FDXACB1: variants seen among roughly 807,000 people sequenced by gnomAD.
FDXACB1 encodes ferredoxin-fold anticodon binding domain containing 1.
In FDXACB1, 41 loss-of-function variants were observed where a neutral mutation model predicts 51.7. The ratio of observed to expected loss-of-function variants is 0.79; its 90% CI spans 0.62 to 1.03. The LOEUF is 1.03. Ranked by LOEUF, FDXACB1 falls within the 50% of genes least tolerant of loss-of-function variation. The pLI is 0.00. For synonymous variants in FDXACB1, 273 were observed against 278.6 expected, an observed-to-expected ratio of 0.98 and a Z score of 0.20; for missense variants, 697 against 746.4, an observed-to-expected ratio of 0.93 and a Z score of 0.77.
At chr11:111,878,761 A>C in intron 1 of FDXACB1, 49 bp from the exon 2 acceptor site, 1 of 1,575,082 alleles carries the variant, frequency 6.3e-7, no homozygotes, top group Non-Finnish European at 8.6e-7. Flanking sequence ...AGGATGCCTC[A>C]AGACATGGAA....
Position 111,875,199 on chromosome 11 carries a change from G to A in FDXACB1, c.1598C>T (p.Pro533Leu), listed in dbSNP as rs782019053. The A allele has an allele frequency of 5.0e-6, 8 of 1,613,688 alleles. No individual in the cohort carries two copies. Among genetic ancestry groups the A allele is most frequent in the African/African-American group, 1.3e-5 (1 of 74,890 alleles). ...IEPFKSHSLY[P>L]PCYVHDVSFW... is the part of the protein sequence containing the mutation. The stretch of plus-strand genomic sequence containing the variant: ...ACTAACATCATGCACATAACATGGA[G>A]GATACAGAGAATGACTTTTAAAGGG... The change falls in exon 5 of 5, where the codon CCT becomes CTT. Residue 533 changes from proline to leucine, a missense_variant. Around this residue, in one of 3 missense-constraint regions of FDXACB1, gnomAD observed 538 missense variants for 592.2 expected, o/e 0.91. Transcript: ENST00000260257.
rs781856732 is a variant in FDXACB1 at position 111,875,399 on chromosome 11, A to G, written c.1398T>C (p.Ile466=). The G allele has an allele frequency of 1.2e-6, 2 of 1,613,600 alleles. No homozygotes were observed. The highest frequency in any genetic ancestry group is 1.7e-6 in the Non-Finnish European group (2 of 1,179,868). Residue 466 remains isoleucine, a synonymous_variant, in exon 5 of 5, where the codon ATT becomes ATC. Transcript: ENST00000260257. ...TGGCAGATGTGATAACAGACCCAAT[A>G]ATTAGATCCTCAGTACAATCTGGGC... The part of the protein sequence containing the change: ...NFSPDCTEDL[I]IGSVITSATS...
At chr11:111,878,917 C>T in intron 1 of FDXACB1, 44 bp downstream of exon 1, 2 of 1,561,394 alleles carry the variant, frequency 1.3e-6, no homozygotes, top group African/African-American at 1.4e-5. Flanking sequence ...CTTTGGGACG[C>T]GCCGGCCGCT....
intron 4 of FDXACB1, 134 bp downstream of exon 4, chr11:111,876,347 G>T (rs2137345609): frequency 8.7e-7 from 1 of 1,149,848 alleles, no homozygotes; most frequent in Non-Finnish European, 1.2e-6. Context: ...TGCTTAAGGA[G>T]GCCAGGCTGA....
At position 111,874,740 on chromosome 11, in the gene FDXACB1, G is replaced by A. The variant is rs536301739; in HGVS notation, c.*182C>T. ...ACTGCCACTGCACTCCCGCCTGGGC[G>A]GCAGAGCAAGACTCCGTCTCAAAAA... On this transcript the variant is annotated 3_prime_UTR_variant, in exon 5 of 5. Coordinates refer to ENST00000260257, the MANE Select transcript of FDXACB1 (RefSeq NM_138378.3). 30 of 605,338 alleles carry A rather than the reference G, an allele frequency of 5.0e-5. No individual in the cohort carries two copies. Among genetic ancestry groups the A allele is most frequent in the Middle Eastern group, 4.5e-4 (1 of 2,246 alleles). 37.5% of individuals were successfully genotyped at this position (605,338 alleles called of 1,614,324 possible). A position where few individuals can be genotyped will look rare whatever the true frequency, so the allele number is the denominator to read the frequency against.
intron 2 of FDXACB1, among the ~76,000 whole-genome samples, chr11:111,878,130 T>C (rs1291906424): frequency 4.6e-5 from 7 of 151,940 alleles, no homozygotes; most frequent in Non-Finnish European, 8.8e-5. Flanking sequence ...GAGCTTGCAG[T>C]GAGCCGAGAT....
Position 111,876,073 on chromosome 11 carries a change from T to C in FDXACB1, c.724A>G (p.Ile242Val), listed in dbSNP as rs142473337. Reference sequence around the variant, plus strand: ...ATGAGTTTCTCATTTATGGTTTTGATAGGATGACATGAAGGTGCTTCCAGG... The same window carrying C: ...ATGAGTTTCTCATTTATGGTTTTGACAGGATGACATGAAGGTGCTTCCAGG... ...GFLEAPSCHP[I>V]KTINEKLIAE... Residue 242 changes from isoleucine (I) to valine (V), a missense_variant, in exon 5 of 5, where the codon ATC becomes GTC. Ile to Val is a conservative substitution (Grantham distance 29). Coordinates refer to ENST00000260257, the MANE Select transcript of FDXACB1 (RefSeq NM_138378.3). 6.2e-7 allele frequency: 1 copy of C among 1,612,376 alleles called. No homozygotes were observed. The highest frequency in any genetic ancestry group is 8.5e-7 in the Non-Finnish European group (1 of 1,178,928).
chr11:111,874,850 G>A lies in FDXACB1; in HGVS notation c.*72C>T. The A allele has an allele frequency of 2.2e-6, 3 of 1,344,436 alleles. No homozygotes were observed. The highest frequency in any genetic ancestry group is 4.8e-5 in the East Asian group (2 of 41,976). 83.3% of individuals were successfully genotyped at this position (1,344,436 alleles called of 1,614,324 possible). On this transcript the variant is annotated 3_prime_UTR_variant, in exon 5 of 5. Coordinates refer to ENST00000260257, the MANE Select transcript of FDXACB1 (RefSeq NM_138378.3). Reference sequence around the variant, plus strand: ...AAACAAAAATCCAGAAAGGACTACTGGTTGCAAGTTGGTAATTTTCCTCCA... The same window carrying A: ...AAACAAAAATCCAGAAAGGACTACTAGTTGCAAGTTGGTAATTTTCCTCCA...
Position 111,875,476 on chromosome 11 carries a change from G to A in FDXACB1, c.1321C>T (p.Leu441Phe). The A allele has an allele frequency of 6.2e-7, 1 of 1,612,288 alleles. No homozygotes were observed. Among genetic ancestry groups the A allele is most frequent in the African/African-American group, 1.3e-5 (1 of 74,410 alleles). Residue 441 changes from leucine (L) to phenylalanine (F), a missense_variant, in exon 5 of 5, where the codon CTT (leucine) becomes TTT (phenylalanine). By Grantham distance (22) the Leu-to-Phe change is conservative. Coordinates refer to ENST00000260257, the MANE Select transcript of FDXACB1 (RefSeq NM_138378.3). ...ATATAATCCTTTCCATTTGACTGAAGGACAAATTTGACTAAACTGCTCAGC... is the reference window on the plus strand; with the variant it reads ...ATATAATCCTTTCCATTTGACTGAAAGACAAATTTGACTAAACTGCTCAGC... ...SKLSSLVKFV[L>F]QSNGKDYMIR...
In FDXACB1 at chr11:111,879,063, G is replaced by C. The variant is rs979760190; in HGVS notation, c.70C>G (p.Leu24Val). The change falls in exon 1 of 5, where the codon CTG becomes GTG. Residue 24 changes from leucine to valine, a missense_variant. By Grantham distance (32) the Leu-to-Val change is conservative. Coordinates refer to ENST00000260257, the MANE Select transcript of FDXACB1 (RefSeq NM_138378.3). ...FSFAAALSET[L>V]DQSTQLTATC... ...GCGGTAAGTTGAGTGCTCTGATCCAGGGTTTCGCTCAGAGCGGCGGCGAAG... is the reference window on the plus strand; with the variant it reads ...GCGGTAAGTTGAGTGCTCTGATCCACGGTTTCGCTCAGAGCGGCGGCGAAG... The C allele has an allele frequency of 3.1e-6, 5 of 1,613,756 alleles. No individual in the cohort carries two copies. Among genetic ancestry groups the C allele is most frequent in the South Asian group, 1.1e-5 (1 of 91,086 alleles).
In FDXACB1 at chr11:111,878,536, G is replaced by A; in HGVS notation, c.329+20C>T. ...TGGACATCTTAAACATTTTCCTTGT[G>A]AGGGCGCTCCTTTCCTCACCTTTGG... On this transcript the variant is annotated intron_variant, in intron 2 of 4. Transcript: ENST00000260257. 6.4e-7 allele frequency: 1 copy of A among 1,564,044 alleles called. No individual in the cohort carries two copies. The highest frequency in any genetic ancestry group is 1.2e-5 in the South Asian group (1 of 84,622).
At position 111,875,308 on chromosome 11, in the gene FDXACB1, G is replaced by C. The variant is rs1555161919; in HGVS notation, c.1489C>G (p.Leu497Val). ...CTCCAGTCAGAGATACACCAGACAA[G>C]CATGGCTAATAAGTCCAAGTTCATA... ...VSMNLDLLAMLVWCISDWRML... is the reference protein window; with the variant it reads ...VSMNLDLLAMVVWCISDWRML... The change falls in exon 5 of 5, where the codon CTT becomes GTT. Residue 497 changes from leucine to valine, a missense_variant. Transcript: ENST00000260257. 6.2e-7 allele frequency: 1 copy of C among 1,613,860 alleles called. No individual in the cohort carries two copies. The highest frequency in any genetic ancestry group is 1.7e-5 in the Admixed American group (1 of 60,000).
intron 2 of FDXACB1, 27 bp downstream of exon 2, chr11:111,878,529 T>C: frequency 1.3e-6 from 2 of 1,552,542 alleles, no homozygotes; most frequent in South Asian, 2.4e-5. Flanking sequence ...TTAAACATTT[T>C]CCTTGTGAGG....
In FDXACB1 at chr11:111,875,107, G is replaced by C. The variant is rs1555161859; in HGVS notation, c.1690C>G (p.Gln564Glu). The C allele has an allele frequency of 1.2e-6, 2 of 1,613,900 alleles. No individual in the cohort carries two copies. Among genetic ancestry groups the C allele is most frequent in the Non-Finnish European group, 1.7e-6 (2 of 1,179,888 alleles). Residue 564 changes from glutamine to glutamate, a missense_variant, in exon 5 of 5, where the codon CAG becomes GAG. Gln to Glu is a conservative substitution (Grantham distance 29). Around this residue, in one of 3 missense-constraint regions of FDXACB1, gnomAD observed 538 missense variants for 592.2 expected, o/e 0.91. Transcript: ENST00000260257. ...AACTGTATGGATATAATAGTGTCCT[G>C]AGACACTGCTCGGGCCACAGTGTGA... ...EFHTVARAVS[Q>E]DTIISIQFLS...
At chr11:111,878,790 C>T in intron 1 of FDXACB1, 78 bp from the exon 2 acceptor site, 8 of 1,532,692 alleles carry the variant, frequency 5.2e-6, no homozygotes, top group Non-Finnish European at 4.4e-6. Flanking sequence ...CTCTTCCTAA[C>T]TTAAACCGTG....
rs555896136 is a variant in FDXACB1 at position 111,878,927 on chromosome 11, T to G, written c.172+34A>C. 3.8e-6 allele frequency: 6 copies of G among 1,576,488 alleles called. No individual in the cohort carries two copies. The East Asian group carries it at 1.4e-4, about 37-fold the overall frequency. On this transcript the variant is annotated intron_variant, in intron 1 of 4. Transcript: ENST00000260257. ...TTCCACTTTGGGACGCGCCGGCCGCTGGGCGGGGTTTCGCAGAGGGGCGGG... is the reference window on the plus strand; with the variant it reads ...TTCCACTTTGGGACGCGCCGGCCGCGGGGCGGGGTTTCGCAGAGGGGCGGG...
In FDXACB1 at chr11:111,876,596, T is replaced by C. The variant is rs371392509; in HGVS notation, c.577A>G (p.Ile193Val). ...SFHVEGALNH[I>V]FTRSLPFEGS... ...TCAAAAGGTAAGCTCCTGGTGAAGA[T>C]ATGGTTCAAAGCACCTTCTACATGA... Residue 193 changes from isoleucine (I) to valine (V), a missense_variant, in exon 4 of 5, where the codon ATC becomes GTC. Physicochemically the swap from Ile to Val is conservative, Grantham distance 29. Transcript: ENST00000260257. 1.7e-5 allele frequency: 28 copies of C among 1,614,024 alleles called. No individual in the cohort carries two copies. In the African/African-American group the frequency reaches 2.8e-4, roughly 16 times the overall value.
In FDXACB1 at chr11:111,876,515, G is replaced by T; in HGVS notation, c.658C>A (p.Pro220Thr). 1.2e-6 allele frequency: 2 copies of T among 1,613,794 alleles called. No individual in the cohort carries two copies. The highest frequency in any genetic ancestry group is 1.7e-6 in the Non-Finnish European group (2 of 1,179,826). The change falls in exon 4 of 5, where the codon CCA becomes ACA. Residue 220 changes from proline to threonine, a missense_variant. By Grantham distance (38) the Pro-to-Thr change is conservative. This residue lies in a region of FDXACB1 where 538 missense variants were observed against 592.2 expected (regional missense o/e 0.91). Transcript: ENST00000260257. ...IKLGNQWFSF[P>T]EPEALVGKLN... ...TTTCCTACAAGTGCTTCTGGTTCTGGAAAGGAAAACCACTGGTTACCCAGT... is the reference window on the plus strand; with the variant it reads ...TTTCCTACAAGTGCTTCTGGTTCTGTAAAGGAAAACCACTGGTTACCCAGT...
intron 2 of FDXACB1, among the ~76,000 whole-genome samples, chr11:111,877,282 A>T (rs550880428): frequency 2.0e-5 from 3 of 152,338 alleles, no homozygotes; most frequent in Non-Finnish European, 2.9e-5. Context: ...AGAAAGATCA[A>T]TATCTGCACA....
Sources: allele counts gnomAD v4.1 joint callset (sites outside exome capture counted in the v4.1 genomes callset), GRCh38; gene constraint gnomAD v4.1.1; regional missense constraint gnomAD v4.1.1; transcripts MANE v1.5; gene names NCBI Gene and HGNC (gene_info 2026-07-23, HGNC 2026-07-21).